XPA: variants seen among roughly 807,000 people sequenced by gnomAD.
XPA encodes the protein DNA repair protein complementing XP-A cells.
In XPA, 27 loss-of-function variants were observed where a neutral mutation model predicts 35.7. The observed-to-expected ratio is 0.76, with a 90% confidence interval of 0.56 to 1.04. The LOEUF is 1.04. XPA is among the 50% of genes least tolerant of loss of function. The pLI is 0.00. For synonymous variants in XPA, 133 were observed against 118.4 expected (o/e 1.12, Z -0.80); for missense variants, 354 against 342.7 (o/e 1.03, Z -0.26).
intron 5 of XPA, among the ~76,000 whole-genome samples, chr9:97,683,033 G>A (rs879550364): frequency 1.6e-4 from 25 of 152,072 alleles, no homozygotes; most frequent in African/African-American, 3.6e-4. Flanking sequence ...GACAGCCCTC[G>A]TTTTAAAAAA....
At chr9:97,668,881 A>G in the XPA span, 1 of 1,613,940 alleles carries the variant, frequency 6.2e-7, no homozygotes. Context: ...GTGACAGGAA[A>G]GACGGGGTTC....
downstream of XPA, chr9:97,671,323 AAG>A: frequency 1.4e-6 from 1 of 691,434 alleles, no homozygotes; most frequent in East Asian, 2.8e-5. Context: ...AACAAAGGGG[AAG>A]AGGACAGTGA....
At chr9:97,667,372 A>AT in the XPA span, among the ~76,000 whole-genome samples, 7 of 152,200 alleles carry the variant, frequency 4.6e-5, no homozygotes, top group African/African-American at 1.7e-4. Context: ...ACTATTCATT[A>AT]TGAAAGTATT....
At chr9:97,684,855 A>C (rs1438996328) in intron 5 of XPA, 68 bp downstream of exon 5, 1 of 1,288,764 alleles carries the variant, frequency 7.8e-7, no homozygotes, top group Non-Finnish European at 1.1e-6. Flanking sequence ...AACAGGAAGA[A>C]TCTAGCTAAA....
At chr9:97,657,907 T>TCTCTCTCC in the XPA span, among the ~76,000 whole-genome samples, 1 of 104,460 alleles carries the variant, frequency 9.6e-6, no homozygotes, top group East Asian at 3.2e-4. Context: ...TCTCTCTCTC[T>TCTCTCTCC]ATATATATAT....
chr9:97,685,903 C>T (rs1048309013), intron 4 of XPA, among the ~76,000 whole-genome samples: 1 of 152,194 alleles, frequency 6.6e-6, no homozygotes, highest in African/African-American at 2.4e-5. Context: ...TTTGCACTTG[C>T]ATTTTCCCTT....
chr9:97,687,280 CA>C lies in XPA; in HGVS notation c.390-20del. Reference sequence around the variant, plus strand: ...AGCATCTCTGAAAACAGATTAAGTCCATTATATAAATTAGTTATTTTAAATA... The same window carrying C: ...AGCATCTCTGAAAACAGATTAAGTCCTTATATAAATTAGTTATTTTAAATA... On this transcript the variant is annotated intron_variant, in intron 3 of 5. Coordinates refer to ENST00000375128, the MANE Select transcript of XPA (RefSeq NM_000380.4). 6.3e-7 allele frequency: 1 copy of C among 1,585,220 alleles called. No individual in the cohort carries two copies. The highest frequency in any genetic ancestry group is 1.4e-5 in the African/African-American group (1 of 73,780).
chr9:97,663,371 CA>C, the XPA span, among the ~76,000 whole-genome samples: 2 of 152,102 alleles, frequency 1.3e-5, no homozygotes, highest in East Asian at 1.9e-4. Flanking sequence ...GACAAAGAAA[CA>C]TTTAAATAAA....
chr9:97,661,976 T>C, the XPA span: 5 of 1,108,244 alleles, frequency 4.5e-6, no homozygotes, highest in Non-Finnish European at 6.8e-6. Context: ...TATTTAGCAT[T>C]TGAGGTAAGG....
the XPA span, chr9:97,655,043 T>C: frequency 9.1e-7 from 1 of 1,096,086 alleles, no homozygotes; most frequent in Non-Finnish European, 1.3e-6. Context: ...TTTCCATGTT[T>C]AGTTTTTTTC....
At chr9:97,667,120 G>C in the XPA span, among the ~76,000 whole-genome samples, 1 of 152,160 alleles carries the variant, frequency 6.6e-6, no homozygotes, top group Non-Finnish European at 1.5e-5. Flanking sequence ...ACTTCCCATA[G>C]TTCACTATCT....
At chr9:97,671,074 G>A, downstream of XPA, 1 of 1,566,944 alleles carries the variant, frequency 6.4e-7, no homozygotes, top group Non-Finnish European at 8.8e-7. Flanking sequence ...ACCCCCTTTT[G>A]TGTGTCCACA....
chr9:97,657,849 A>G, the XPA span, among the ~76,000 whole-genome samples: 1 of 148,460 alleles, frequency 6.7e-6, no homozygotes. Flanking sequence ...TTGATGCCCA[A>G]ATTGTCCCTG....
chr9:97,677,482 G>A (rs1828401483), intron 5 of XPA, among the ~76,000 whole-genome samples: 1 of 151,962 alleles, frequency 6.6e-6, no homozygotes, highest in Non-Finnish European at 1.5e-5. Context: ...AGACCAGCCT[G>A]GGCAACACAG....
At chr9:97,688,334 CACTT>C (rs3176674) in intron 3 of XPA, among the ~76,000 whole-genome samples, 4,182 of 152,254 alleles carry the variant, frequency 0.027, 89 homozygotes, top group Middle Eastern at 0.071. Flanking sequence ...TTGCATCACT[CACTT>C]CTTCACTAAT....
At position 97,689,655 on chromosome 9, in the gene XPA, T is replaced by G. The variant is rs757469466; in HGVS notation, c.284-16A>C. ...ATAACAGGTCCTAAGAAAAGGAAAA[T>G]GAACTCTAGTTTCCTTTTTTATGAC... On this transcript the variant is annotated splice_polypyrimidine_tract_variant and intron_variant, in intron 2 of 5. Coordinates refer to ENST00000375128, the MANE Select transcript of XPA (RefSeq NM_000380.4). 1.3e-6 allele frequency: 2 copies of G among 1,494,832 alleles called. No individual in the cohort carries two copies. The highest frequency in any genetic ancestry group is 1.9e-6 in the Non-Finnish European group (2 of 1,073,836). 92.6% of individuals were successfully genotyped at this position (1,494,832 alleles called of 1,614,324 possible).
the XPA span, chr9:97,658,768 G>T: frequency 6.7e-7 from 1 of 1,494,956 alleles, no homozygotes; most frequent in Non-Finnish European, 9.3e-7. Context: ...TAATCCCTCT[G>T]TCTTTAAAAG....
At chr9:97,675,761 ACTTTCTTAC>A (rs1828345500) in intron 5 of XPA, 174 bp from the exon 6 acceptor site, 11 of 790,112 alleles carry the variant, frequency 1.4e-5, no homozygotes. Context: ...TGGCAAACTT[ACTTTCTTAC>A]CTCACTAGTT....
downstream of XPA, chr9:97,672,017 T>A (rs1250269022): frequency 6.6e-6 from 1 of 152,200 alleles, no homozygotes. Flanking sequence ...AAAGTGGATG[T>A]AGAAGTGGTC....
Sources: allele counts gnomAD v4.1 joint callset (sites outside exome capture counted in the v4.1 genomes callset), GRCh38; gene constraint gnomAD v4.1.1; transcripts MANE v1.5; gene names NCBI Gene and HGNC (gene_info 2026-07-23, HGNC 2026-07-21).